Variants in ZNF704 observed in about 807,000 individuals in gnomAD.
The protein encoded by ZNF704 is zinc finger protein 704.
A neutral mutation model predicts 44.7 loss-of-function variants in ZNF704; 10 were observed. The observed-to-expected ratio is 0.22, with a 90% CI of 0.14 to 0.38. ZNF704 has a LOEUF of 0.38. Among genes scored for constraint, ZNF704 ranks in the 10% least tolerant of loss-of-function variants. ZNF704 has a pLI of 1.00. For synonymous variants in ZNF704, 211 were observed against 207.6 expected (o/e 1.02, Z -0.14); for missense variants, 390 against 545.5 (o/e 0.71, Z 2.84).
intron 1 of ZNF704, among the ~76,000 whole-genome samples, chr8:80,854,010 G>C (rs1045699610): frequency 1.3e-5 from 2 of 152,154 alleles, no homozygotes; most frequent in Non-Finnish European, 2.9e-5. Context: ...AAATTAGAAA[G>C]AAAGGATGCA....
chr8:80,681,785 C>A (rs1259171822), intron 4 of ZNF704, among the ~76,000 whole-genome samples: 1 of 152,166 alleles, frequency 6.6e-6, no homozygotes, highest in Non-Finnish European at 1.5e-5. Context: ...TCTAGACATA[C>A]TGAGTAGTCC....
intron 4 of ZNF704, among the ~76,000 whole-genome samples, chr8:80,677,795 C>A (rs1383133254): frequency 1.3e-5 from 2 of 152,070 alleles, no homozygotes; most frequent in African/African-American, 2.4e-5. Flanking sequence ...CAGAGATGAG[C>A]CACATTTGGG....
At chr8:80,691,678 A>C (rs1450488172) in intron 3 of ZNF704, among the ~76,000 whole-genome samples, 1 of 152,170 alleles carries the variant, frequency 6.6e-6, no homozygotes, top group Non-Finnish European at 1.5e-5. Context: ...TTGCCTTCTA[A>C]TTCTGTACCT....
At chr8:80,868,327 T>C (rs924838667) in intron 1 of ZNF704, among the ~76,000 whole-genome samples, 2 of 152,208 alleles carry the variant, frequency 1.3e-5, no homozygotes, top group East Asian at 3.8e-4. Flanking sequence ...GTTTCTCTTA[T>C]CTCATTTAAA....
chr8:80,864,501 CTT>C (rs1009771659), intron 1 of ZNF704, among the ~76,000 whole-genome samples: 9 of 152,082 alleles, frequency 5.9e-5, no homozygotes, highest in African/African-American at 1.2e-4. Context: ...CCAATTTCCT[CTT>C]TGTTTGAAAT....
chr8:80,813,428 A>G (rs1172586239), intron 2 of ZNF704, among the ~76,000 whole-genome samples: 8 of 152,244 alleles, frequency 5.3e-5, no homozygotes, highest in Non-Finnish European at 1.2e-4. Flanking sequence ...TAAAGAACTT[A>G]TAGTACACAA....
At chr8:80,854,837 CTTAT>C (rs1025538081) in intron 1 of ZNF704, among the ~76,000 whole-genome samples, 16 of 152,216 alleles carry the variant, frequency 1.1e-4, no homozygotes, top group African/African-American at 3.4e-4. Flanking sequence ...ATTGTAATTA[CTTAT>C]TTGTTTGACT....
chr8:80,840,438 C>T (rs760401898), intron 1 of ZNF704, among the ~76,000 whole-genome samples: 1 of 152,144 alleles, frequency 6.6e-6, no homozygotes, highest in African/African-American at 2.4e-5. Flanking sequence ...AGATTGGACA[C>T]CCCCGCTCTA....
chr8:80,788,866 T>G (rs568148905), intron 2 of ZNF704, among the ~76,000 whole-genome samples: 1 of 152,252 alleles, frequency 6.6e-6, no homozygotes, highest in African/African-American at 2.4e-5. Flanking sequence ...CTTAAGAATT[T>G]CAAAATCCCC....
intron 2 of ZNF704, among the ~76,000 whole-genome samples, chr8:80,786,972 G>A (rs1249641888): frequency 6.6e-6 from 1 of 152,192 alleles, no homozygotes; most frequent in Non-Finnish European, 1.5e-5. Context: ...CGTGTTAGTT[G>A]TTAAATATGG....
Position 80,821,589 on chromosome 8 carries a change from G to A in ZNF704, c.6C>T (p.Thr2=). The A allele has an allele frequency of 6.2e-7, 1 of 1,613,050 alleles. No homozygotes were observed. The highest frequency in any genetic ancestry group is 8.5e-7 in the Non-Finnish European group (1 of 1,179,704). The part of the protein sequence containing the change: M[T]FTFQSEDLKR... ...TTAAGTCCTCTGACTGAAATGTGAAGGTCATTTCCCGCTTAATGCTCCCCA... is the reference window on the plus strand; with the variant it reads ...TTAAGTCCTCTGACTGAAATGTGAAAGTCATTTCCCGCTTAATGCTCCCCA... Residue 2 remains threonine, a synonymous_variant, in exon 2 of 9, where the codon ACC becomes ACT. Coordinates refer to ENST00000327835, the MANE Select transcript of ZNF704 (RefSeq NM_001033723.3).
intron 7 of ZNF704, among the ~76,000 whole-genome samples, chr8:80,654,176 T>A (rs573390328): frequency 6.6e-6 from 1 of 151,924 alleles, no homozygotes; most frequent in Non-Finnish European, 1.5e-5. Context: ...TTACACCTTA[T>A]ACAAAAATTA....
intron 1 of ZNF704, among the ~76,000 whole-genome samples, chr8:80,873,252 T>C (rs1809287129): frequency 1.3e-5 from 2 of 151,974 alleles, no homozygotes; most frequent in African/African-American, 4.8e-5. Flanking sequence ...CCCACCTCAC[T>C]GGGGAGAAGC....
intron 2 of ZNF704, among the ~76,000 whole-genome samples, chr8:80,720,381 T>G (rs1244033450): frequency 6.6e-6 from 1 of 152,250 alleles, no homozygotes; most frequent in African/African-American, 2.4e-5. Context: ...AACTTTCTTC[T>G]CATAATGTTT....
chr8:80,743,648 GTCTCC>G (rs1806800162), intron 2 of ZNF704, among the ~76,000 whole-genome samples: 1 of 152,160 alleles, frequency 6.6e-6, no homozygotes, highest in African/African-American at 2.4e-5. Flanking sequence ...CATGCCTGGA[GTCTCC>G]ATTCCTTTCT....
Position 80,687,429 on chromosome 8 carries a change from C to T in ZNF704, c.355G>A (p.Gly119Ser), listed in dbSNP as rs753780945. The T allele has an allele frequency of 1.6e-5, 25 of 1,586,102 alleles. No homozygotes were observed. Among genetic ancestry groups the T allele is most frequent in the East Asian group, 1.1e-4 (5 of 43,986 alleles). The stretch of plus-strand genomic sequence containing the variant: ...CTGCTGGTGCTGGAAGGCACGCAGC[C>T]GCCCTCCTTCCAGGATCCGCTGAGG... ...ESLSGSWKEG[G>S]CVPSSTSSSG... Residue 119 changes from glycine (G) to serine (S), a missense_variant, in exon 4 of 9, where the codon GGC becomes AGC. Around this residue, in one of 3 missense-constraint regions of ZNF704, gnomAD observed 305 missense variants for 435.7 expected, o/e 0.70. Transcript: ENST00000327835.
chr8:80,764,447 G>A (rs998714390), intron 2 of ZNF704, among the ~76,000 whole-genome samples: 1 of 152,142 alleles, frequency 6.6e-6, no homozygotes. Flanking sequence ...ACTATCACAA[G>A]AATACATGGG....
chr8:80,700,878 C>G (rs1298448354), intron 2 of ZNF704, among the ~76,000 whole-genome samples: 1 of 152,138 alleles, frequency 6.6e-6, no homozygotes, highest in Non-Finnish European at 1.5e-5. Flanking sequence ...TCAACTCCCC[C>G]CTCCCCTTTT....
In ZNF704 at chr8:80,862,043, G is replaced by A. The variant is rs528572738; in HGVS notation, c.-22+12528C>T. ...TTTGAGATAGAGTTTTACTCTTGTC[G>A]CCCAGGCTGGAGTGCAGTGGTGCGA... is the stretch of plus-strand genomic sequence containing the variant. On this transcript the variant is annotated intron_variant, in intron 1 of 8. Coordinates refer to ENST00000327835, the MANE Select transcript of ZNF704 (RefSeq NM_001033723.3). Among the ~76,000 whole-genome samples, 44 of 106,376 alleles carry A rather than the reference G, an allele frequency of 4.1e-4. 1 individual carries two copies. The highest frequency in any genetic ancestry group is 1.6e-3 in the African/African-American group (39 of 25,144). The allele number at this position is 106,376 out of a possible 152,430, so 69.8% of individuals were successfully genotyped here. A position where few individuals can be genotyped will look rare whatever the true frequency, so the allele number is the denominator to read the frequency against.
Sources: gnomAD v4.1 joint callset for allele counts (sites outside exome capture counted in the v4.1 genomes callset) on GRCh38, gnomAD v4.1.1 for gene constraint, gnomAD v4.1.1 regional missense constraint, MANE v1.5 for transcripts, NCBI Gene and HGNC (gene_info 2026-07-23, HGNC 2026-07-21) for gene names.